The following ARMC7 variants were observed in gnomAD, a reference collection of about 807,000 sequenced individuals.
ARMC7 encodes the protein armadillo repeat-containing protein 7.
ARMC7 carries 9 observed loss-of-function variants against 14.8 expected under a neutral mutation model. That is an observed-to-expected ratio of 0.61 (90% confidence interval 0.37 to 1.06). The LOEUF (loss-of-function observed/expected upper bound fraction) is 1.06. Among genes scored for constraint, ARMC7 ranks in the 50% least tolerant of loss-of-function variants. The probability of loss-of-function intolerance (pLI) is 0.01; values close to 1 mark genes in which losing one functional copy is unlikely to be tolerated. For synonymous variants in ARMC7, 125 were observed against 123.4 expected (o/e 1.01, Z -0.09); for missense variants, 262 against 267.1 (o/e 0.98, Z 0.13).
At chr17:75,112,881 C>T (rs1302481681) in intron 2 of ARMC7, among the ~76,000 whole-genome samples, 2 of 151,980 alleles carry the variant, frequency 1.3e-5, no homozygotes, top group Non-Finnish European at 2.9e-5. Context: ...CTCGAAGGCC[C>T]CAACCAGGAA....
At chr17:75,114,138 C>G in intron 2 of ARMC7, 1 of 401,350 alleles carries the variant, frequency 2.5e-6, no homozygotes, top group Non-Finnish European at 4.4e-6. Context: ...CGTCCTCCGT[C>G]CCGTCCCTTT....
intron 2 of ARMC7, among the ~76,000 whole-genome samples, chr17:75,119,959 C>T (rs535349668): frequency 9.9e-5 from 15 of 152,182 alleles, no homozygotes; most frequent in African/African-American, 3.1e-4. Context: ...GGCTGGAGTG[C>T]AGTGGCATGA....
At position 75,110,482 on chromosome 17, in the gene ARMC7, C is replaced by T. The variant is rs2073906009; in HGVS notation, c.111C>T (p.Leu37=). The T allele has an allele frequency of 3.1e-6, 5 of 1,614,266 alleles. No individual in the cohort carries two copies. Among genetic ancestry groups the T allele is most frequent in the East Asian group, 2.2e-5 (1 of 44,888 alleles). ...TTGCAGACGCCAAGGAGCAAGTCCT[C>T]GCCAACCTCGCCAACTTCGCTTATG... is the stretch of plus-strand genomic sequence containing the variant. ...TQSQDAKEQV[L]ANLANFAYDP... The change falls in exon 2 of 3, where the codon CTC becomes CTT. Residue 37 remains leucine, a synonymous_variant. Transcript: ENST00000245543.
Position 75,128,770 on chromosome 17 carries a change from C to T in ARMC7, c.329C>T (p.Pro110Leu), listed in dbSNP as rs1248177225. ...CTCATCATCAACTGCCTATCCAGCC[C>T]CAATGAGGAGACGGTGCTGTCTGCC... ...VPLIINCLSS[P>L]NEETVLSAIT... is the part of the protein sequence containing the mutation. The change falls in exon 3 of 3, where the codon CCC becomes CTC. Residue 110 changes from proline to leucine, a missense_variant. Transcript: ENST00000245543. 1.1e-5 allele frequency: 17 copies of T among 1,613,464 alleles called. No homozygotes were observed. In the Admixed American group the frequency reaches 2.8e-4, roughly 27 times the overall value.
intron 2 of ARMC7, among the ~76,000 whole-genome samples, chr17:75,120,596 C>T (rs534946884): frequency 2.0e-4 from 31 of 152,044 alleles, no homozygotes; most frequent in East Asian, 1.7e-3. Context: ...GGGCGGATCA[C>T]GAGGTCAGGA....
chr17:75,127,432 T>G (rs1486261144), intron 2 of ARMC7, among the ~76,000 whole-genome samples: 7 of 151,982 alleles, frequency 4.6e-5, no homozygotes, highest in Non-Finnish European at 1.0e-4. Flanking sequence ...CCCAAGTAGC[T>G]GGGATTACAA....
chr17:75,110,953 CAAAAAAAAAAAAAA>C (rs537195116), intron 2 of ARMC7, among the ~76,000 whole-genome samples: 1 of 49,794 alleles, frequency 2.0e-5, no homozygotes, highest in African/African-American at 7.3e-5. Flanking sequence ...GACCCCGTCT[CAAAAAAAAAAAAAA>C]AAAAAAAAAA....
chr17:75,115,358 G>A (rs1266552808), intron 2 of ARMC7, among the ~76,000 whole-genome samples: 1 of 152,106 alleles, frequency 6.6e-6, no homozygotes, highest in African/African-American at 2.4e-5. Context: ...TGGCCAACAT[G>A]GCAAAACCCC....
At chr17:75,119,787 G>A (rs1360867012) in intron 2 of ARMC7, among the ~76,000 whole-genome samples, 1 of 151,870 alleles carries the variant, frequency 6.6e-6, no homozygotes, top group African/African-American at 2.4e-5. Flanking sequence ...ACCCTGGGCT[G>A]CTTCAGCTCA....
At chr17:75,124,951 C>G (rs371110141) in intron 2 of ARMC7, among the ~76,000 whole-genome samples, 1 of 152,192 alleles carries the variant, frequency 6.6e-6, no homozygotes, top group Non-Finnish European at 1.5e-5. Flanking sequence ...AAAAGGCAGC[C>G]TACAGAATGC....
chr17:75,124,054 A>C (rs2074033304), intron 2 of ARMC7, among the ~76,000 whole-genome samples: 1 of 152,318 alleles, frequency 6.6e-6, no homozygotes, highest in East Asian at 1.9e-4. Context: ...GGGCAGGTTC[A>C]CACAGGTAGA....
intron 2 of ARMC7, among the ~76,000 whole-genome samples, chr17:75,113,516 C>T (rs2073947773): frequency 6.6e-6 from 1 of 151,586 alleles, no homozygotes; most frequent in African/African-American, 2.4e-5. Flanking sequence ...CCACCAGGCC[C>T]GGCTAATTTT....
intron 2 of ARMC7, among the ~76,000 whole-genome samples, chr17:75,111,296 A>G (rs1189383785): frequency 1.3e-5 from 2 of 151,630 alleles, no homozygotes; most frequent in Admixed American, 6.6e-5. Context: ...AAATACAAAA[A>G]TTAGCCGGGC....
At chr17:75,118,289 A>T (rs2073987320) in intron 2 of ARMC7, among the ~76,000 whole-genome samples, 1 of 152,038 alleles carries the variant, frequency 6.6e-6, no homozygotes, top group South Asian at 2.1e-4. Flanking sequence ...TCATGAAGGG[A>T]CTCAAGATTT....
chr17:75,128,901 G>A lies in ARMC7; in HGVS notation c.460G>A (p.Ala154Thr), dbSNP rs34338273. Residue 154 changes from alanine to threonine, a missense_variant, in exon 3 of 3, where the codon GCC becomes ACC. By Grantham distance (58) the Ala-to-Thr change is moderately conservative. Transcript: ENST00000245543. ...CMLRFSLSAS[A>T]RLRNLAQIFL... ...GCTTCGCTTCTCCCTCTCGGCCAGC[G>A]CCAGGCTCCGGAACCTGGCACAGAT... 1,629 of 1,610,298 alleles carry A rather than the reference G, an allele frequency of 1.0e-3. 16 individuals are homozygous for A. The African/African-American group carries it at 0.019, about 19-fold the overall frequency.
At chr17:75,128,139 A>G (rs543410081) in intron 2 of ARMC7, among the ~76,000 whole-genome samples, 2 of 152,108 alleles carry the variant, frequency 1.3e-5, no homozygotes, top group East Asian at 1.9e-4. Flanking sequence ...CAGTGATGCA[A>G]TCTCGGCTCA....
At chr17:75,121,406 T>TA (rs1270619405) in intron 2 of ARMC7, among the ~76,000 whole-genome samples, 1 of 152,134 alleles carries the variant, frequency 6.6e-6, no homozygotes, top group Non-Finnish European at 1.5e-5. Context: ...CAACACTTAG[T>TA]ATTGGCCTTT....
In ARMC7 at chr17:75,129,305, C is replaced by A. The variant is rs2074082246; in HGVS notation, c.*267C>A. 1.9e-6 allele frequency: 1 copy of A among 536,136 alleles called. No individual in the cohort carries two copies. The highest frequency in any genetic ancestry group is 2.7e-5 in the South Asian group (1 of 36,978). The allele number at this position is 536,136 out of a possible 1,614,324, so 33.2% of individuals were successfully genotyped here. A position where few individuals can be genotyped will look rare whatever the true frequency, so the allele number is the denominator to read the frequency against. ...TACATCAGGTGCCACCACCACCAGA[C>A]TCAGGCCCTGGTGTAAGAAGCGGCC... On this transcript the variant is annotated 3_prime_UTR_variant, in exon 3 of 3. Coordinates refer to ENST00000245543, the MANE Select transcript of ARMC7 (RefSeq NM_024585.4).
At chr17:75,113,005 A>AT (rs1041197915) in intron 2 of ARMC7, among the ~76,000 whole-genome samples, 1 of 129,304 alleles carries the variant, frequency 7.7e-6, no homozygotes, top group Non-Finnish European at 1.6e-5. Context: ...CAAATAACAC[A>AT]TTTTTTATTT....
Sources: allele counts gnomAD v4.1 joint callset (sites outside exome capture counted in the v4.1 genomes callset), GRCh38; gene constraint gnomAD v4.1.1; transcripts MANE v1.5; gene names NCBI Gene and HGNC (gene_info 2026-07-23, HGNC 2026-07-21).